The following MYRIP variants were observed in gnomAD, a reference collection of about 807,000 sequenced individuals.
The protein encoded by MYRIP is myosin VIIA and Rab interacting protein, also known as rab effector MyRIP.
MYRIP carries 49 observed loss-of-function variants against 98.0 expected under a neutral mutation model. The ratio of observed to expected loss-of-function variants is 0.50; its 90% CI spans 0.40 to 0.63. The LOEUF (loss-of-function observed/expected upper bound fraction) is 0.63. Among genes scored for constraint, MYRIP ranks in the 30% least tolerant of loss-of-function variants. MYRIP has a pLI of 0.00. For missense variants in MYRIP, 1,004 were observed against 1,058.2 expected (o/e 0.95, Z 0.71); for synonymous variants, 404 against 409.5 (o/e 0.99, Z 0.16).
At chr3:40,146,487 C>G (rs1297701339) in intron 3 of MYRIP, among the ~76,000 whole-genome samples, 1 of 152,200 alleles carries the variant, frequency 6.6e-6, no homozygotes, top group Non-Finnish European at 1.5e-5. Context: ...AGGGGCACCT[C>G]CCCACTGCCA....
chr3:39,850,783 C>A (rs1371903957), intron 1 of MYRIP, among the ~76,000 whole-genome samples: 5 of 152,068 alleles, frequency 3.3e-5, no homozygotes, highest in Non-Finnish European at 7.3e-5. Flanking sequence ...TATTGACACA[C>A]TTTTATTACA....
chr3:40,045,426 C>A (rs1286807505), intron 3 of MYRIP, among the ~76,000 whole-genome samples: 1 of 152,094 alleles, frequency 6.6e-6, no homozygotes, highest in African/African-American at 2.4e-5. Context: ...TGGGTCTCCA[C>A]ATGGCAGCTT....
chr3:39,848,710 G>A (rs9868371), intron 1 of MYRIP, among the ~76,000 whole-genome samples: 56,401 of 152,078 alleles, frequency 0.37, 11,332 homozygotes, highest in African/African-American at 0.52. Flanking sequence ...ATGTAAACAT[G>A]TTATACACTT....
chr3:40,027,569 T>A (rs149247898), intron 2 of MYRIP, among the ~76,000 whole-genome samples: 1,539 of 152,282 alleles, frequency 0.01, 9 homozygotes, highest in Non-Finnish European at 0.018. Context: ...GCCACCAATC[T>A]AAAGTAGGTC....
chr3:40,180,581 A>T (rs1010003529), intron 8 of MYRIP, among the ~76,000 whole-genome samples: 1 of 152,192 alleles, frequency 6.6e-6, no homozygotes, highest in African/African-American at 2.4e-5. Context: ...TTATCGACGC[A>T]CAGTGTCTTG....
intron 2 of MYRIP, among the ~76,000 whole-genome samples, chr3:39,904,129 T>A (rs139377838): frequency 6.6e-6 from 1 of 152,348 alleles, no homozygotes; most frequent in Non-Finnish European, 1.5e-5. Flanking sequence ...AGCTTAGTTT[T>A]GTTGTAATTT....
chr3:39,872,220 TTAA>T (rs2125631273), intron 1 of MYRIP, among the ~76,000 whole-genome samples: 1 of 152,266 alleles, frequency 6.6e-6, no homozygotes, highest in Admixed American at 6.5e-5. Flanking sequence ...TATTATTGTC[TTAA>T]TAATTCCAAC....
At chr3:39,986,451 TCTCC>T (rs892197729) in intron 2 of MYRIP, among the ~76,000 whole-genome samples, 80 of 133,122 alleles carry the variant, frequency 6.0e-4, no homozygotes, top group African/African-American at 2.8e-3. Flanking sequence ...TCCCTCTCTC[TCTCC>T]CTCTCTCTCT....
At chr3:40,027,303 A>G (rs996743155) in intron 2 of MYRIP, among the ~76,000 whole-genome samples, 13 of 152,102 alleles carry the variant, frequency 8.5e-5, no homozygotes, top group Non-Finnish European at 1.5e-4. Flanking sequence ...TCTCACCAAG[A>G]TGACTGCAGT....
chr3:40,038,959 A>G (rs1350629724), intron 2 of MYRIP, among the ~76,000 whole-genome samples: 1 of 152,170 alleles, frequency 6.6e-6, no homozygotes, highest in African/African-American at 2.4e-5. Flanking sequence ...GGGAATCTGG[A>G]TAGGCAGAGA....
chr3:40,011,425 G>A (rs901248302), intron 2 of MYRIP, among the ~76,000 whole-genome samples: 18 of 152,096 alleles, frequency 1.2e-4, no homozygotes, highest in South Asian at 4.1e-4. Flanking sequence ...TGGTTTGGGC[G>A]TTTCTTCTGG....
chr3:39,891,181 A>T lies in MYRIP; in HGVS notation c.-30-9606A>T, dbSNP rs1296304860. Among the ~76,000 whole-genome samples the T allele has an allele frequency of 2.0e-5, 3 of 151,930 alleles. No individual in the cohort carries two copies. In the South Asian group the frequency reaches 6.2e-4, roughly 31 times the overall value. On this transcript the variant is annotated intron_variant, in intron 1 of 16. Coordinates refer to ENST00000302541, the MANE Select transcript of MYRIP (RefSeq NM_015460.4). ...CCCTGCCAAGTTCAAACAAGAAATC[A>T]GCCTGTTTTTTTTTAAGCTGCCTAA...
intron 2 of MYRIP, among the ~76,000 whole-genome samples, chr3:39,946,672 C>A (rs1294357228): frequency 1.3e-5 from 2 of 152,140 alleles, no homozygotes; most frequent in African/African-American, 4.8e-5. Flanking sequence ...CCTGATGAAG[C>A]TTGGAAGCAG....
chr3:39,986,856 C>A (rs1421571312), intron 2 of MYRIP, among the ~76,000 whole-genome samples: 2 of 152,282 alleles, frequency 1.3e-5, no homozygotes, highest in East Asian at 3.9e-4. Context: ...GGGGGTCAGA[C>A]CAAAGCAGAC....
chr3:39,928,317 T>C (rs1944462112), intron 2 of MYRIP, among the ~76,000 whole-genome samples: 2 of 151,728 alleles, frequency 1.3e-5, no homozygotes, highest in Non-Finnish European at 2.9e-5. Flanking sequence ...TCTCAATTTA[T>C]TCCATAAAAC....
intron 1 of MYRIP, among the ~76,000 whole-genome samples, chr3:39,838,117 G>C (rs1941681852): frequency 1.3e-5 from 2 of 152,182 alleles, no homozygotes; most frequent in Admixed American, 1.3e-4. Flanking sequence ...GCCTGAGACA[G>C]TGGGGTTTTC....
At chr3:40,174,104 C>T (rs528270295) in intron 8 of MYRIP, 1 of 152,288 alleles carries the variant, frequency 6.6e-6, no homozygotes, top group South Asian at 2.1e-4. Context: ...TGGGAGAGAA[C>T]CGTGTGGCTG....
intron 5 of MYRIP, among the ~76,000 whole-genome samples, chr3:40,164,064 T>C (rs868545563): frequency 1.2e-4 from 18 of 152,278 alleles, no homozygotes; most frequent in Admixed American, 7.2e-4. Context: ...GAAGATCTTA[T>C]AGGGTTCTTA....
At chr3:39,811,542 C>T (rs1302980351) in intron 1 of MYRIP, among the ~76,000 whole-genome samples, 2 of 152,046 alleles carry the variant, frequency 1.3e-5, no homozygotes, top group Admixed American at 6.5e-5. Context: ...TTCCTGCTCA[C>T]GTTCCTTTGC....
Sources: gnomAD v4.1 joint callset for allele counts (sites outside exome capture counted in the v4.1 genomes callset) on GRCh38, gnomAD v4.1.1 for gene constraint, MANE v1.5 for transcripts, NCBI Gene and HGNC (gene_info 2026-07-23, HGNC 2026-07-21) for gene names.